Variants in AFF1 observed in about 807,000 individuals in gnomAD.
AFF1 encodes AF4/FMR2 family member 1.
In AFF1, 48 loss-of-function variants were observed where a neutral mutation model predicts 121.7. The ratio of observed to expected loss-of-function variants is 0.39; its 90% confidence interval spans 0.31 to 0.50. AFF1 has a LOEUF of 0.50. Among genes scored for constraint, AFF1 ranks in the 20% least tolerant of loss-of-function variants. The pLI is 0.76. For missense variants in AFF1, 1,523 were observed against 1,511.7 expected (o/e 1.01, Z -0.12); for synonymous variants, 613 against 563.0 (o/e 1.09, Z -1.26).
chr4:86,958,871 T>G (rs1721945717), intron 2 of AFF1, among the ~76,000 whole-genome samples: 6 of 152,200 alleles, frequency 3.9e-5, no homozygotes, highest in African/African-American at 9.7e-5. Flanking sequence ...CATTTACTAG[T>G]TAAGGAAACA....
chr4:87,029,864 G>A (rs1197147859), intron 2 of AFF1, among the ~76,000 whole-genome samples: 2 of 152,186 alleles, frequency 1.3e-5, no homozygotes, highest in South Asian at 2.1e-4. Context: ...TGGAGATGGG[G>A]AAGAGTCCTG....
At chr4:87,050,036 A>T (rs1731117845) in intron 4 of AFF1, among the ~76,000 whole-genome samples, 1 of 152,212 alleles carries the variant, frequency 6.6e-6, no homozygotes, top group South Asian at 2.1e-4. Context: ...TATATTTCAA[A>T]TTTTAATATT....
chr4:87,047,185 C>CTT lies in AFF1; in HGVS notation c.652_653dup (p.Leu218PhefsTer40), dbSNP rs1560572180. The CTT allele has an allele frequency of 6.2e-7, 1 of 1,614,200 alleles. No homozygotes were observed. The highest frequency in any genetic ancestry group is 8.5e-7 in the Non-Finnish European group (1 of 1,180,034). ...ATCTCTTTGCCTTCCCCAGTTCCCCCTTTGTCACCTATACATTCCAACCAG... is the reference window on the plus strand; with the variant it reads ...ATCTCTTTGCCTTCCCCAGTTCCCCCTTTTTGTCACCTATACATTCCAACCAG... On this transcript the variant is annotated frameshift_variant, in exon 4 of 21. Coordinates refer to ENST00000395146, the MANE Select transcript of AFF1 (RefSeq NM_001166693.3). LOFTEE classifies it high-confidence loss of function.
chr4:86,986,919 A>G lies in AFF1; in HGVS notation c.38+38348A>G, dbSNP rs866153391. ...GTTGCCCAGGCTGGGGTGCAGTGGT[A>G]TGAGCATGGCTTGCTGGGTACAAGT... On this transcript the variant is annotated intron_variant, in intron 2 of 20. Transcript: ENST00000395146. Among the ~76,000 whole-genome samples the G allele has an allele frequency of 4.6e-5, 7 of 151,910 alleles. 1 individual carries two copies. In the Middle Eastern group the frequency reaches 0.02, roughly 443 times the overall value.
chr4:86,983,325 G>C (rs193114444), intron 2 of AFF1, among the ~76,000 whole-genome samples: 1 of 152,154 alleles, frequency 6.6e-6, no homozygotes, highest in East Asian at 1.9e-4. Flanking sequence ...GTCGGAGTTT[G>C]AGACCAGCCT....
chr4:86,947,679 T>C (rs1364096376), intron 1 of AFF1, among the ~76,000 whole-genome samples: 1 of 152,202 alleles, frequency 6.6e-6, no homozygotes, highest in East Asian at 1.9e-4. Context: ...TAGACAGTGT[T>C]AACCATAAAG....
At chr4:87,020,947 AT>A in intron 2 of AFF1, 1 of 699,942 alleles carries the variant, frequency 1.4e-6, no homozygotes, top group South Asian at 6.3e-5. Flanking sequence ...CTGCATGCGG[AT>A]TTTATTTTGG....
At chr4:87,089,540 A>G (rs1037725348) in intron 5 of AFF1, among the ~76,000 whole-genome samples, 1 of 152,218 alleles carries the variant, frequency 6.6e-6, no homozygotes, top group Admixed American at 6.5e-5. Context: ...GCTTAAGTCA[A>G]ACAGGAAAGT....
intron 4 of AFF1, among the ~76,000 whole-genome samples, chr4:87,056,723 G>A (rs1720178762): frequency 1.3e-5 from 2 of 152,130 alleles, no homozygotes; most frequent in Admixed American, 6.5e-5. Flanking sequence ...AAAGACACAG[G>A]CACAGTAAAT....
intron 1 of AFF1, among the ~76,000 whole-genome samples, chr4:86,944,662 C>CA (rs1295481415): frequency 6.6e-6 from 1 of 151,504 alleles, no homozygotes; most frequent in African/African-American, 2.4e-5. Context: ...TAGCTAGTTG[C>CA]AAAGCAGGTC....
At chr4:86,950,445 C>T (rs3775233) in intron 2 of AFF1, among the ~76,000 whole-genome samples, 10,091 of 152,326 alleles carry the variant, frequency 0.066, 396 homozygotes, top group Non-Finnish European at 0.09. Context: ...GCTGGGATTA[C>T]AGGCGTGAGC....
intron 2 of AFF1, among the ~76,000 whole-genome samples, chr4:86,951,596 TTTTTTC>T (rs1322000943): frequency 1.6e-4 from 24 of 145,908 alleles, no homozygotes; most frequent in African/African-American, 5.7e-4. Flanking sequence ...TAGGGAACTT[TTTTTTC>T]TTTTTCTTTT....
intron 2 of AFF1, among the ~76,000 whole-genome samples, chr4:86,997,805 A>G (rs1379123671): frequency 6.6e-6 from 1 of 151,014 alleles, no homozygotes; most frequent in East Asian, 2.0e-4. Context: ...ATAGAAAAAA[A>G]CAGGCCTAAG....
chr4:87,131,174 C>T lies in AFF1; in HGVS notation c.3056C>T (p.Ser1019Phe), dbSNP rs1728792204. ...GCCACAGAGTCTGAAAGCCAGTCAT[C>T]CAAGTCAGCTTACTCTGTCTACTCA... is the stretch of plus-strand genomic sequence containing the variant. ...GIATESESQSSKSAYSVYSET... is the reference protein window; with the variant it reads ...GIATESESQSFKSAYSVYSET... The change falls in exon 17 of 21, where the codon TCC (serine) becomes TTC (phenylalanine). Residue 1019 changes from serine (S) to phenylalanine (F), a missense_variant. Transcript: ENST00000395146. 1.2e-5 allele frequency: 19 copies of T among 1,614,224 alleles called. No individual in the cohort carries two copies. The highest frequency in any genetic ancestry group is 1.5e-5 in the Non-Finnish European group (18 of 1,180,038).
At chr4:87,006,887 C>G (rs565826564) in intron 2 of AFF1, 1 of 916,030 alleles carries the variant, frequency 1.1e-6, no homozygotes, top group Non-Finnish European at 1.3e-6. Flanking sequence ...TTGGCTAGGG[C>G]CGCCGAGCGC....
rs560342180 is a variant in AFF1, at chr4:87,115,091, C to T, written c.2258C>T (p.Thr753Ile). ...AGACTCCCATTGCCTTTGAGAGACACCAAGCTGCTCTCACCGCTCAGGGAC... is the reference window on the plus strand; with the variant it reads ...AGACTCCCATTGCCTTTGAGAGACATCAAGCTGCTCTCACCGCTCAGGGAC... ...KDRLPLPLRDTKLLSPLRDTP... is the reference protein window; with the variant it reads ...KDRLPLPLRDIKLLSPLRDTP... Residue 753 changes from threonine (T) to isoleucine (I), a missense_variant, in exon 12 of 21, where the codon ACC becomes ATC. Transcript: ENST00000395146. 6.2e-7 allele frequency: 1 copy of T among 1,614,038 alleles called. No individual in the cohort carries two copies. The highest frequency in any genetic ancestry group is 8.5e-7 in the Non-Finnish European group (1 of 1,180,034).
chr4:86,992,983 T>C (rs1471468005), intron 2 of AFF1, among the ~76,000 whole-genome samples: 1 of 152,220 alleles, frequency 6.6e-6, no homozygotes, highest in African/African-American at 2.4e-5. Context: ...CATGCTTTCC[T>C]ATAGGGTTGC....
chr4:87,138,841 A>G lies in AFF1; in HGVS notation c.*3140A>G, dbSNP rs1729504635. ...TTTGTAACAAAAAGACCTTCATATT[A>G]TCTGTTTTGACCAAAATATGTAGCT... On this transcript the variant is annotated 3_prime_UTR_variant, in exon 21 of 21. Coordinates refer to ENST00000395146, the MANE Select transcript of AFF1 (RefSeq NM_001166693.3). 4.4e-6 allele frequency: 1 copy of G among 229,072 alleles called. No homozygotes were observed. The highest frequency in any genetic ancestry group is 2.2e-5 in the African/African-American group (1 of 45,216). The allele number at this position is 229,072 out of a possible 1,614,324, so 14.2% of individuals were successfully genotyped here.
chr4:86,965,770 C>T (rs1560506119), intron 2 of AFF1, among the ~76,000 whole-genome samples: 1 of 152,168 alleles, frequency 6.6e-6, no homozygotes, highest in Non-Finnish European at 1.5e-5. Flanking sequence ...CCTTTCTCCC[C>T]CATCAGTGCT....
Sources: gnomAD v4.1 joint callset for allele counts (sites outside exome capture counted in the v4.1 genomes callset) on GRCh38, gnomAD v4.1.1 for gene constraint, MANE v1.5 for transcripts, NCBI Gene and HGNC (gene_info 2026-07-23, HGNC 2026-07-21) for gene names.